The following RAB3C variants were observed in gnomAD, a reference collection of about 807,000 sequenced individuals.
RAB3C encodes ras-related protein Rab-3C.
In RAB3C, 17 loss-of-function variants were observed where a neutral mutation model predicts 26.4. That is an observed-to-expected ratio of 0.64 (90% CI 0.44 to 0.97). RAB3C has a LOEUF of 0.97. RAB3C is among the 50% of genes least tolerant of loss of function. RAB3C has a pLI of 0.00. For missense variants in RAB3C, 242 were observed against 281.9 expected, an observed-to-expected ratio of 0.86 and a Z score of 1.01; for synonymous variants, 91 against 95.9, an observed-to-expected ratio of 0.95 and a Z score of 0.30.
At chr5:58,741,231 GACA>G (rs1477116018) in intron 3 of RAB3C, among the ~76,000 whole-genome samples, 7 of 152,182 alleles carry the variant, frequency 4.6e-5, no homozygotes, top group Non-Finnish European at 1.0e-4. Context: ...GCATAGTATT[GACA>G]ACGAGGGAAG....
chr5:58,777,470 C>T (rs1742169107), intron 3 of RAB3C, among the ~76,000 whole-genome samples: 1 of 152,064 alleles, frequency 6.6e-6, no homozygotes, highest in Non-Finnish European at 1.5e-5. Context: ...TTTACCAAAT[C>T]CCTTAGGATT....
intron 1 of RAB3C, among the ~76,000 whole-genome samples, chr5:58,594,119 TGG>T (rs1209493792): frequency 6.6e-6 from 1 of 152,170 alleles, no homozygotes; most frequent in Non-Finnish European, 1.5e-5. Flanking sequence ...CAAAGATCAA[TGG>T]GCGTTACTTG....
chr5:58,656,230 G>A (rs1211430603), intron 2 of RAB3C, among the ~76,000 whole-genome samples: 1 of 152,142 alleles, frequency 6.6e-6, no homozygotes, highest in Non-Finnish European at 1.5e-5. Context: ...ACACAAAGTA[G>A]ACTTATAGCC....
In RAB3C at chr5:58,813,022, C is replaced by T. The variant is rs530981249; in HGVS notation, c.372-12016C>T. On this transcript the variant is annotated intron_variant, in intron 3 of 4. Coordinates refer to ENST00000282878, the MANE Select transcript of RAB3C (RefSeq NM_138453.4). ...GAACCCAGGACTTTGAGCTCCTACT[C>T]CATTGGAAAGGTTTGTATTCCAGTT... Among the ~76,000 whole-genome samples, 3 of 152,254 alleles carry T rather than the reference C, an allele frequency of 2.0e-5. No individual in the cohort carries two copies. In the East Asian group the frequency reaches 5.8e-4, roughly 29 times the overall value.
intron 1 of RAB3C, among the ~76,000 whole-genome samples, chr5:58,591,607 T>A (rs12188987): frequency 3.2e-4 from 12 of 37,790 alleles, no homozygotes; most frequent in African/African-American, 5.6e-4. Flanking sequence ...TATATATATA[T>A]AATTTTATTT....
rs888482246 is a variant in RAB3C, at chr5:58,844,870, C to T, written c.497-6294C>T. ...GTTTAAAAGATCAGAGTGCCCCAAG[C>T]GATGTTTCCCTGGGGTTAAAAAAGG... On this transcript the variant is annotated intron_variant, in intron 4 of 4. Coordinates refer to ENST00000282878, the MANE Select transcript of RAB3C (RefSeq NM_138453.4). Among the ~76,000 whole-genome samples the T allele has an allele frequency of 1.8e-4, 27 of 152,068 alleles. 1 individual carries two copies. The highest frequency in any genetic ancestry group is 4.4e-5 in the Non-Finnish European group (3 of 68,026).
At chr5:58,841,031 G>T (rs1384334778) in intron 4 of RAB3C, among the ~76,000 whole-genome samples, 1 of 152,190 alleles carries the variant, frequency 6.6e-6, no homozygotes, top group Non-Finnish European at 1.5e-5. Flanking sequence ...GCCCACCAGG[G>T]GCAACCTGCA....
At chr5:58,725,046 G>T (rs1209742311) in intron 2 of RAB3C, among the ~76,000 whole-genome samples, 1 of 151,818 alleles carries the variant, frequency 6.6e-6, no homozygotes, top group Non-Finnish European at 1.5e-5. Context: ...ATACCTTTAA[G>T]TGTCTTCTTT....
chr5:58,771,541 T>TATTATTTAGCA (rs1202954443), intron 3 of RAB3C, among the ~76,000 whole-genome samples: 1 of 152,098 alleles, frequency 6.6e-6, no homozygotes, highest in Non-Finnish European at 1.5e-5. Context: ...AGCAACAAAT[T>TATTATTTAGCA]AATAGGCAAG....
intron 3 of RAB3C, among the ~76,000 whole-genome samples, chr5:58,813,776 T>TA (rs1266060471): frequency 3.3e-5 from 5 of 152,062 alleles, no homozygotes; most frequent in African/African-American, 1.2e-4. Context: ...GGATATTCAG[T>TA]GAATGCACAC....
chr5:58,627,983 C>T (rs1747094975), intron 2 of RAB3C, among the ~76,000 whole-genome samples: 1 of 151,890 alleles, frequency 6.6e-6, no homozygotes, highest in South Asian at 2.1e-4. Context: ...CGGTGAAACC[C>T]CGTCTCTACT....
At chr5:58,638,175 A>G (rs572553156) in intron 2 of RAB3C, among the ~76,000 whole-genome samples, 2 of 152,198 alleles carry the variant, frequency 1.3e-5, no homozygotes, top group South Asian at 4.1e-4. Flanking sequence ...TGAGATGCCT[A>G]TTTCTTTGAA....
chr5:58,726,296 G>A (rs990726607), intron 3 of RAB3C, among the ~76,000 whole-genome samples, 176 bp downstream of exon 3: 4 of 151,730 alleles, frequency 2.6e-5, no homozygotes, highest in Non-Finnish European at 2.9e-5. Flanking sequence ...CATTATTCAG[G>A]GATTGATAAG....
Position 58,706,958 on chromosome 5 carries a change from A to C in RAB3C, c.253-19044A>C, listed in dbSNP as rs376879838. 7.2e-5 allele frequency among the ~76,000 whole-genome samples: 11 copies of C among 152,344 alleles called. No homozygotes were observed. In the East Asian group the frequency reaches 1.5e-3, roughly 21 times the overall value. On this transcript the variant is annotated intron_variant, in intron 2 of 4. Coordinates refer to ENST00000282878, the MANE Select transcript of RAB3C (RefSeq NM_138453.4). ...TCATCCTTTGCCTGCTTTTCTTTCC[A>C]TGACAGTTTCCAGTTTTTATTTACT...
chr5:58,596,488 A>AAT (rs1166628883), intron 1 of RAB3C, among the ~76,000 whole-genome samples: 1 of 139,304 alleles, frequency 7.2e-6, no homozygotes, highest in African/African-American at 2.6e-5. Flanking sequence ...ATATATAGTA[A>AAT]ATATATATAT....
chr5:58,838,546 C>T (rs935602072), intron 4 of RAB3C, among the ~76,000 whole-genome samples: 5 of 151,968 alleles, frequency 3.3e-5, no homozygotes, highest in African/African-American at 1.2e-4. Flanking sequence ...TTATTGTGGT[C>T]AGGTAAGATA....
At chr5:58,710,956 T>G (rs1749047064) in intron 2 of RAB3C, among the ~76,000 whole-genome samples, 1 of 152,194 alleles carries the variant, frequency 6.6e-6, no homozygotes, top group Non-Finnish European at 1.5e-5. Context: ...GGAATCTGCT[T>G]TAATCTTGGA....
At chr5:58,638,381 A>C (rs139517245) in intron 2 of RAB3C, among the ~76,000 whole-genome samples, 1 of 151,900 alleles carries the variant, frequency 6.6e-6, no homozygotes, top group African/African-American at 2.4e-5. Flanking sequence ...GTTTTTCCTG[A>C]AAATAAGCTT....
At chr5:58,759,248 C>T (rs963824700) in intron 3 of RAB3C, among the ~76,000 whole-genome samples, 2 of 152,110 alleles carry the variant, frequency 1.3e-5, no homozygotes, top group Non-Finnish European at 2.9e-5. Context: ...AGTTTCTAAC[C>T]CAGATGTGGT....
Sources: gnomAD v4.1 joint callset for allele counts (sites outside exome capture counted in the v4.1 genomes callset) on GRCh38, gnomAD v4.1.1 for gene constraint, MANE v1.5 for transcripts, NCBI Gene and HGNC (gene_info 2026-07-23, HGNC 2026-07-21) for gene names.